Variants in GADL1 observed in about 807,000 individuals in gnomAD.
GADL1 encodes the protein acidic amino acid decarboxylase GADL1.
GADL1 carries 71 observed loss-of-function variants against 69.5 expected under a neutral mutation model. That is an observed-to-expected ratio of 1.02 (90% CI 0.84 to 1.25). The LOEUF (loss-of-function observed/expected upper bound fraction) is 1.25, where lower values mean the gene tolerates loss of function less well. Among genes scored for constraint, GADL1 ranks in the 50% most tolerant of loss-of-function variants. The pLI, the probability that GADL1 is intolerant of heterozygous loss-of-function variation, is 0.00. For synonymous variants in GADL1, 254 were observed against 214.4 expected, an observed-to-expected ratio of 1.18 and a Z score of -1.62; for missense variants, 737 against 631.8, an observed-to-expected ratio of 1.17 and a Z score of -1.79.
intron 14 of GADL1, among the ~76,000 whole-genome samples, chr3:30,773,324 G>T (rs1217401861): frequency 6.6e-6 from 1 of 152,004 alleles, no homozygotes; most frequent in African/African-American, 2.4e-5. Flanking sequence ...TTAAAACCTG[G>T]ATAACTTTTT....
chr3:30,878,582 T>C (rs1386271862), intron 1 of GADL1, among the ~76,000 whole-genome samples: 1 of 151,914 alleles, frequency 6.6e-6, no homozygotes, highest in Non-Finnish European at 1.5e-5. Flanking sequence ...ATAAAATGCA[T>C]AACTTATCTA....
Position 30,778,254 on chromosome 3 carries a change from A to AT in GADL1, c.1316dup (p.Asn439LysfsTer25). 1 of 1,608,296 alleles carries AT rather than the reference A, an allele frequency of 6.2e-7. No individual in the cohort carries two copies. The highest frequency in any genetic ancestry group is 2.2e-5 in the East Asian group (1 of 44,824). On this transcript the variant is annotated frameshift_variant, in exon 14 of 15. Transcript: ENST00000282538. LOFTEE classifies it high-confidence loss of function. ...TCGGTGGAATGTACCAAAAGCAAAT[A>AT]TTGGCATATTCAGGCTGAGAATTAG...
chr3:30,752,947 G>T (rs6550019), intron 14 of GADL1, among the ~76,000 whole-genome samples: 3 of 151,918 alleles, frequency 2.0e-5, no homozygotes, highest in Non-Finnish European at 4.4e-5. Context: ...CACAATCCTC[G>T]TTTTTTAACT....
At chr3:30,785,888 C>T (rs979192413) in intron 13 of GADL1, among the ~76,000 whole-genome samples, 4 of 152,166 alleles carry the variant, frequency 2.6e-5, no homozygotes, top group Non-Finnish European at 4.4e-5. Flanking sequence ...CACCTAATTT[C>T]TTACACATAG....
At chr3:30,740,384 G>A (rs187844217) in intron 14 of GADL1, among the ~76,000 whole-genome samples, 3 of 152,132 alleles carry the variant, frequency 2.0e-5, no homozygotes, top group Non-Finnish European at 4.4e-5. Flanking sequence ...TTGGAGTCTG[G>A]CATTCTTTCC....
chr3:30,818,301 A>G lies in GADL1; in HGVS notation c.1050+15552T>C, dbSNP rs141706397. On this transcript the variant is annotated intron_variant, in intron 11 of 14. Transcript: ENST00000282538. ...ACCTGTCGTGAGAACTTAAAAGCAA[A>G]TATAATTGTTAGAAGTTTTAAAATT... Among the ~76,000 whole-genome samples, 500 of 152,334 alleles carry G rather than the reference A, an allele frequency of 3.3e-3. 2 individuals carry two copies. Among genetic ancestry groups the G allele is most frequent in the African/African-American group, 0.011 (464 of 41,572 alleles).
chr3:30,776,085 GA>G (rs1553638159), intron 14 of GADL1, among the ~76,000 whole-genome samples: 269 of 148,084 alleles, frequency 1.8e-3, no homozygotes, highest in Middle Eastern at 0.01. Context: ...CTCCGTCTTG[GA>G]AAAAAAAAAT....
intron 1 of GADL1, among the ~76,000 whole-genome samples, chr3:30,880,432 A>G (rs1227434713): frequency 6.6e-6 from 1 of 151,722 alleles, no homozygotes; most frequent in African/African-American, 2.4e-5. Context: ...TGCTGTTCTC[A>G]TGATAGTGAA....
intron 8 of GADL1, among the ~76,000 whole-genome samples, chr3:30,842,319 A>G (rs1171389611): frequency 6.6e-6 from 1 of 151,274 alleles, no homozygotes; most frequent in Non-Finnish European, 1.5e-5. Flanking sequence ...CTATTTATAG[A>G]TCAAATGGTA....
At chr3:30,733,644 C>G (rs974751911) in intron 14 of GADL1, among the ~76,000 whole-genome samples, 1 of 150,116 alleles carries the variant, frequency 6.7e-6, no homozygotes, top group Non-Finnish European at 1.5e-5. Context: ...TTCCTCCTTC[C>G]CTCCCTCCCT....
chr3:30,761,455 A>G (rs1696130145), intron 14 of GADL1, among the ~76,000 whole-genome samples: 1 of 148,468 alleles, frequency 6.7e-6, no homozygotes, highest in Non-Finnish European at 1.5e-5. Flanking sequence ...CAGTCAATTA[A>G]CTACAGAACC....
intron 12 of GADL1, among the ~76,000 whole-genome samples, chr3:30,793,969 A>G (rs1696975213): frequency 1.3e-5 from 2 of 152,322 alleles, no homozygotes; most frequent in Admixed American, 6.5e-5. Flanking sequence ...GACTTGTGGA[A>G]TTCATCACAG....
intron 14 of GADL1, among the ~76,000 whole-genome samples, chr3:30,751,696 C>T (rs140053076): frequency 2.6e-5 from 4 of 152,268 alleles, no homozygotes; most frequent in Admixed American, 6.5e-5. Flanking sequence ...TAACTACAAT[C>T]GTGTCTCATA....
chr3:30,797,855 T>A (rs546032851), intron 12 of GADL1: 1 of 152,250 alleles, frequency 6.6e-6, no homozygotes, highest in East Asian at 1.9e-4. Flanking sequence ...TTGAAATGTT[T>A]GAATGTTTAA....
At chr3:30,833,431 C>A (rs1697823141) in intron 11 of GADL1, among the ~76,000 whole-genome samples, 1 of 152,068 alleles carries the variant, frequency 6.6e-6, no homozygotes, top group Admixed American at 6.6e-5. Context: ...GGCTGTTAAG[C>A]CCTAGCTAAG....
At chr3:30,772,470 A>G (rs1696439075) in intron 14 of GADL1, among the ~76,000 whole-genome samples, 2 of 152,212 alleles carry the variant, frequency 1.3e-5, no homozygotes, top group African/African-American at 2.4e-5. Context: ...AACATTTCCC[A>G]TCTTATCTTT....
chr3:30,803,874 G>A (rs9870495), intron 11 of GADL1, among the ~76,000 whole-genome samples: 45 of 152,096 alleles, frequency 3.0e-4, no homozygotes, highest in Non-Finnish European at 5.4e-4. Flanking sequence ...ATAGTAAAAC[G>A]TAACATTGTT....
At chr3:30,745,905 T>A (rs1695695423) in intron 14 of GADL1, among the ~76,000 whole-genome samples, 1 of 151,982 alleles carries the variant, frequency 6.6e-6, no homozygotes, top group African/African-American at 2.4e-5. Flanking sequence ...TCTTCCCTTA[T>A]TCTTTCCATT....
In GADL1 at chr3:30,779,770, C is replaced by G. The variant is rs137978278; in HGVS notation, c.1303-1502G>C. Among the ~76,000 whole-genome samples the G allele has an allele frequency of 1.9e-3, 293 of 152,276 alleles. 1 individual carries two copies. Among genetic ancestry groups the G allele is most frequent in the Non-Finnish European group, 3.2e-3 (220 of 68,022 alleles). ...TGTTATGTCAGTTATCAATTTATTG[C>G]CTCTCAGCCAGAAATCTACCCTTTT... On this transcript the variant is annotated intron_variant, in intron 13 of 14. Transcript: ENST00000282538.
Sources: allele counts gnomAD v4.1 joint callset (sites outside exome capture counted in the v4.1 genomes callset), GRCh38; gene constraint gnomAD v4.1.1; transcripts MANE v1.5; gene names NCBI Gene and HGNC (gene_info 2026-07-23, HGNC 2026-07-21).